Variants in FOCAD observed in about 807,000 individuals in gnomAD.
FOCAD encodes KIAA1797.
Under a neutral mutation model 225.6 loss-of-function variants are expected in FOCAD, and 198 were observed. That is an observed-to-expected ratio of 0.88 (90% CI 0.78 to 0.99). The LOEUF (loss-of-function observed/expected upper bound fraction) is 0.99. Among genes scored for constraint, FOCAD ranks in the 50% least tolerant of loss-of-function variants. FOCAD has a pLI of 0.00. For missense variants in FOCAD, 2,713 were observed against 2,123.6 expected, an observed-to-expected ratio of 1.28 and a Z score of -5.46; for synonymous variants, 897 against 755.0, an observed-to-expected ratio of 1.19 and a Z score of -3.08.
At chr9:20,755,138 A>C (rs1828934365) in intron 5 of FOCAD, among the ~76,000 whole-genome samples, 1 of 152,154 alleles carries the variant, frequency 6.6e-6, no homozygotes, top group African/African-American at 2.4e-5. Flanking sequence ...CAAGCTTTTC[A>C]GCTTCTTAGA....
chr9:20,983,053 A>G (rs1840841237), intron 39 of FOCAD, among the ~76,000 whole-genome samples: 3 of 152,290 alleles, frequency 2.0e-5, no homozygotes, highest in Admixed American at 1.3e-4. Flanking sequence ...AGGTTTGCCT[A>G]TTCAATCAGA....
chr9:20,746,929 G>A (rs1483629315), intron 5 of FOCAD, among the ~76,000 whole-genome samples: 2 of 152,066 alleles, frequency 1.3e-5, no homozygotes, highest in African/African-American at 2.4e-5. Context: ...TATAAATGAC[G>A]CTGTGTCCTT....
intron 2 of FOCAD, among the ~76,000 whole-genome samples, chr9:20,676,696 A>G (rs1050233219): frequency 6.6e-6 from 1 of 152,210 alleles, no homozygotes; most frequent in Non-Finnish European, 1.5e-5. Context: ...TTGGATTTCA[A>G]TGCAAGTGGA....
intron 15 of FOCAD, among the ~76,000 whole-genome samples, chr9:20,851,818 C>T (rs1300362203): frequency 1.3e-5 from 2 of 151,894 alleles, no homozygotes; most frequent in African/African-American, 4.8e-5. Flanking sequence ...CCATGGCTGA[C>T]TCTTCCAATC....
chr9:20,928,546 A>G (rs1835172000), intron 26 of FOCAD, among the ~76,000 whole-genome samples: 1 of 152,226 alleles, frequency 6.6e-6, no homozygotes, highest in African/African-American at 2.4e-5. Flanking sequence ...CACTTGAGAC[A>G]TATTTATAAA....
chr9:20,966,912 C>T lies in FOCAD; in HGVS notation c.4133-9508C>T, dbSNP rs190142674. Among the ~76,000 whole-genome samples, 399 of 152,070 alleles carry T rather than the reference C, an allele frequency of 2.6e-3. 4 individuals are homozygous for T. Among genetic ancestry groups the T allele is most frequent in the Admixed American group, 3.8e-3 (58 of 15,272 alleles). ...TCTGTCTTTATATGTACTAATACCACGCTGTTTTGATTACTATAGCTGTAT... is the reference window on the plus strand; with the variant it reads ...TCTGTCTTTATATGTACTAATACCATGCTGTTTTGATTACTATAGCTGTAT... On this transcript the variant is annotated intron_variant, in intron 35 of 43. Transcript: ENST00000338382.
chr9:20,808,048 G>T (rs1026649046), intron 11 of FOCAD, among the ~76,000 whole-genome samples: 3 of 142,244 alleles, frequency 2.1e-5, no homozygotes, highest in African/African-American at 7.8e-5. Context: ...CTCCGTCTAA[G>T]AAAAAAAAAA....
At chr9:20,865,705 A>G (rs1472093466) in intron 16 of FOCAD, among the ~76,000 whole-genome samples, 1 of 152,094 alleles carries the variant, frequency 6.6e-6, no homozygotes, top group South Asian at 2.1e-4. Flanking sequence ...AAATTTCATT[A>G]TCTTAAAATC....
At chr9:20,756,124 G>A (rs1012735654) in intron 5 of FOCAD, among the ~76,000 whole-genome samples, 3 of 152,176 alleles carry the variant, frequency 2.0e-5, no homozygotes, top group Non-Finnish European at 4.4e-5. Context: ...CAAAGGGTTT[G>A]GAATTGGGAA....
intron 21 of FOCAD, among the ~76,000 whole-genome samples, chr9:20,905,253 T>C (rs746835201): frequency 6.6e-5 from 10 of 152,016 alleles, no homozygotes; most frequent in Non-Finnish European, 1.0e-4. Context: ...AGGAAGAGGA[T>C]TAGCTTTAAC....
chr9:20,860,580 G>T (rs530164781), intron 15 of FOCAD, among the ~76,000 whole-genome samples: 1 of 152,122 alleles, frequency 6.6e-6, no homozygotes, highest in African/African-American at 2.4e-5. Context: ...GCCCAGGCTC[G>T]AGTGCAGAGG....
chr9:20,905,605 G>A (rs527865728), intron 21 of FOCAD, among the ~76,000 whole-genome samples: 4 of 152,048 alleles, frequency 2.6e-5, no homozygotes, highest in South Asian at 4.2e-4. Context: ...AATAGGGCTC[G>A]AAGATAATTA....
intron 2 of FOCAD, among the ~76,000 whole-genome samples, chr9:20,675,277 G>A (rs1822199983): frequency 6.6e-6 from 1 of 152,084 alleles, no homozygotes; most frequent in African/African-American, 2.4e-5. Context: ...ATTTTAGAAT[G>A]TTTTCAAGCT....
At chr9:20,858,168 A>G (rs1828391792) in intron 15 of FOCAD, among the ~76,000 whole-genome samples, 1 of 152,042 alleles carries the variant, frequency 6.6e-6, no homozygotes, top group Non-Finnish European at 1.5e-5. Flanking sequence ...TAGGATCGAT[A>G]TTAGTTCTTC....
chr9:20,795,561 G>A (rs1462545970), intron 11 of FOCAD, among the ~76,000 whole-genome samples: 2 of 151,894 alleles, frequency 1.3e-5, no homozygotes, highest in Non-Finnish European at 2.9e-5. Context: ...CGAGGTGGGC[G>A]GATCACGAGG....
chr9:20,670,670 G>T (rs866744590), intron 2 of FOCAD, among the ~76,000 whole-genome samples: 1 of 152,160 alleles, frequency 6.6e-6, no homozygotes, highest in African/African-American at 2.4e-5. Flanking sequence ...CATTTGAGAT[G>T]AGCTTTGGGG....
At chr9:20,894,200 C>T (rs1019049761) in intron 21 of FOCAD, among the ~76,000 whole-genome samples, 1 of 152,060 alleles carries the variant, frequency 6.6e-6, no homozygotes, top group Non-Finnish European at 1.5e-5. Flanking sequence ...ATTTTCGTTG[C>T]TTGACAGCTG....
chr9:20,660,246 C>T (rs148350762), intron 2 of FOCAD, among the ~76,000 whole-genome samples: 73 of 152,214 alleles, frequency 4.8e-4, no homozygotes, highest in African/African-American at 1.0e-3. Context: ...GCTTATCAGG[C>T]GCCAAGCAAT....
intron 11 of FOCAD, among the ~76,000 whole-genome samples, chr9:20,818,428 G>A (rs963656092): frequency 1.6e-4 from 25 of 151,888 alleles, no homozygotes; most frequent in Non-Finnish European, 2.9e-4. Context: ...TCATGTCTAA[G>A]AGCTTAGTCT....
Sources: gnomAD v4.1 joint callset for allele counts (sites outside exome capture counted in the v4.1 genomes callset) on GRCh38, gnomAD v4.1.1 for gene constraint, MANE v1.5 for transcripts, NCBI Gene and HGNC (gene_info 2026-07-23, HGNC 2026-07-21) for gene names.